MYBPC1: variants seen among roughly 807,000 people sequenced by gnomAD.
MYBPC1 encodes the protein myosin-binding protein C, slow-type.
MYBPC1 carries 52 observed loss-of-function variants against 147.1 expected under a neutral mutation model. The ratio of observed to expected loss-of-function variants is 0.35; its 90% confidence interval spans 0.28 to 0.45. The LOEUF (loss-of-function observed/expected upper bound fraction) is 0.45, where lower values mean the gene tolerates loss of function less well. Ranked by LOEUF, MYBPC1 falls within the 20% of genes least tolerant of loss-of-function variation. The pLI, the probability that MYBPC1 is intolerant of heterozygous loss-of-function variation, is 1.00. For synonymous variants in MYBPC1, 477 were observed against 475.9 expected (o/e 1.00, Z -0.03); for missense variants, 1,228 against 1,440.3 (o/e 0.85, Z 2.39).
At chr12:101,678,956 C>T (rs1011977250) in intron 28 of MYBPC1, among the ~76,000 whole-genome samples, 13 of 151,880 alleles carry the variant, frequency 8.6e-5, no homozygotes, top group Non-Finnish European at 1.8e-4. Context: ...GTCAGGAGTT[C>T]GAGACCAGCC....
At chr12:101,670,107 C>T (rs1376605781) in intron 23 of MYBPC1, among the ~76,000 whole-genome samples, 1 of 142,410 alleles carries the variant, frequency 7.0e-6, no homozygotes, top group Non-Finnish European at 1.5e-5. Context: ...ACTGTTAAAA[C>T]ATCTCTGTGT....
At chr12:101,624,202 C>A (rs2135955105) in intron 3 of MYBPC1, among the ~76,000 whole-genome samples, 1 of 151,958 alleles carries the variant, frequency 6.6e-6, no homozygotes, top group African/African-American at 2.4e-5. Flanking sequence ...CAGTAAATCA[C>A]CTCTTGGATT....
intron 24 of MYBPC1, among the ~76,000 whole-genome samples, chr12:101,670,889 T>C (rs10860766): frequency 0.27 from 40,554 of 152,138 alleles, 5,458 homozygotes; most frequent in Middle Eastern, 0.37. Context: ...AACTGAAATA[T>C]ATGAACAATA....
intron 23 of MYBPC1, chr12:101,669,955 ACTAT>A: frequency 2.9e-6 from 1 of 341,560 alleles, no homozygotes; most frequent in Non-Finnish European, 5.5e-6. Context: ...AAAAAAAGAA[ACTAT>A]GAAAAGTATG....
chr12:101,695,522 A>G, the MYBPC1 span, among the ~76,000 whole-genome samples: 77,437 of 151,774 alleles, frequency 0.51, 20,705 homozygotes, highest in Admixed American at 0.6. Context: ...GGACAAAGGG[A>G]GACTACTGTA....
At position 101,594,996 on chromosome 12, in the gene MYBPC1, G is replaced by T. The variant is rs1697477; in HGVS notation, c.-75G>T. Reference sequence around the variant, plus strand: ...GTCACACCGACCTGCACCATCTCTCGCCTGCCTGTGGGGTTTCTGTCAACT... The same window carrying T: ...GTCACACCGACCTGCACCATCTCTCTCCTGCCTGTGGGGTTTCTGTCAACT... On this transcript the variant is annotated 5_prime_UTR_variant, in exon 1 of 32. Transcript: ENST00000361466. 246,588 of 1,456,236 alleles carry T rather than the reference G, an allele frequency of 0.17. 22,723 individuals carry two copies. The highest frequency in any genetic ancestry group is 0.31 in the East Asian group (13,836 of 43,964). The allele number at this position is 1,456,236 out of a possible 1,614,324, so 90.2% of individuals were successfully genotyped here.
chr12:101,614,278 C>T (rs1213093049), intron 1 of MYBPC1, among the ~76,000 whole-genome samples: 1 of 151,924 alleles, frequency 6.6e-6, no homozygotes, highest in African/African-American at 2.4e-5. Flanking sequence ...TAAATGGCAG[C>T]ATGTATGTCT....
intron 14 of MYBPC1, among the ~76,000 whole-genome samples, chr12:101,649,040 C>T (rs1305750919): frequency 6.6e-6 from 1 of 152,148 alleles, no homozygotes; most frequent in Non-Finnish European, 1.5e-5. Flanking sequence ...GAGCAGGTGG[C>T]TCGTGTTCTT....
downstream of MYBPC1, among the ~76,000 whole-genome samples, chr12:101,689,862 A>G (rs1322745660): frequency 6.6e-6 from 1 of 152,116 alleles, no homozygotes; most frequent in Admixed American, 6.5e-5. Flanking sequence ...TCAGCTGACC[A>G]CCTGGGAGCT....
At chr12:101,629,605 C>A in intron 6 of MYBPC1, 61 bp downstream of exon 6, 1 of 1,192,260 alleles carries the variant, frequency 8.4e-7, no homozygotes, top group Non-Finnish European at 1.2e-6. Context: ...GAGCACGGTG[C>A]CTCACGCCTG....
At position 101,642,476 on chromosome 12, in the gene MYBPC1, C is replaced by G. The variant is rs747525098; in HGVS notation, c.723C>G (p.Asn241Lys). ...TGGACGTATGGGAGTTGCTGAAGAA[C>G]GCGAAACCCAGTGAGTACGAGAAGA... is the stretch of plus-strand genomic sequence containing the variant. Reference protein sequence around the residue: ...PQVDVWELLKNAKPSEYEKIA... With the variant: ...PQVDVWELLKKAKPSEYEKIA... Residue 241 changes from asparagine to lysine, a missense_variant, in exon 11 of 32, where the codon AAC (asparagine) becomes AAG (lysine). Asn to Lys is a moderately conservative substitution (Grantham distance 94). Around this residue, in one of 2 missense-constraint regions of MYBPC1, gnomAD observed 1,077 missense variants for 1,314.2 expected, o/e 0.82. Coordinates refer to ENST00000361466, the MANE Select transcript of MYBPC1 (RefSeq NM_002465.4). The G allele has an allele frequency of 1.2e-6, 2 of 1,614,078 alleles. No individual in the cohort carries two copies. The highest frequency in any genetic ancestry group is 1.7e-6 in the Non-Finnish European group (2 of 1,180,026).
chr12:101,610,550 A>C (rs919811593), intron 1 of MYBPC1, among the ~76,000 whole-genome samples: 3 of 152,206 alleles, frequency 2.0e-5, no homozygotes, highest in African/African-American at 7.2e-5. Context: ...GATGATCATA[A>C]TGATAAAAGC....
intron 3 of MYBPC1, among the ~76,000 whole-genome samples, chr12:101,618,681 C>T (rs1771988498): frequency 1.3e-5 from 2 of 152,252 alleles, no homozygotes; most frequent in African/African-American, 4.8e-5. Context: ...AAATGTCTTT[C>T]CTTAAAGTCA....
chr12:101,607,713 C>T (rs947066681), intron 1 of MYBPC1, among the ~76,000 whole-genome samples: 1 of 151,906 alleles, frequency 6.6e-6, no homozygotes, highest in South Asian at 2.1e-4. Context: ...TATAAGGGCC[C>T]ATAAGATAGT....
rs1026328258 is a variant in MYBPC1 at position 101,614,732 on chromosome 12, T to C, written c.61+201T>C. ...ATATAATCCTCTTGTGTTAATCTAA[T>C]TTGGATGGCACTTCATATATATTAG... On this transcript the variant is annotated intron_variant, in intron 2 of 31. Transcript: ENST00000361466. The C allele has an allele frequency of 4.0e-5, 25 of 621,992 alleles. 1 individual carries two copies. The highest frequency in any genetic ancestry group is 3.5e-4 in the Admixed American group (13 of 37,478). The allele number at this position is 621,992 out of a possible 1,614,324, so 38.5% of individuals were successfully genotyped here. A position where few individuals can be genotyped will look rare whatever the true frequency, so the allele number is the denominator to read the frequency against.
chr12:101,651,869 G>A lies in MYBPC1; in HGVS notation c.1526+476G>A, dbSNP rs781059251. 4.6e-5 allele frequency among the ~76,000 whole-genome samples: 7 copies of A among 152,154 alleles called. No individual in the cohort carries two copies. The East Asian group carries it at 9.6e-4, about 21-fold the overall frequency. Reference sequence around the variant, plus strand: ...GGATGGCTTGAACCCAGTAGGGGGAGGTTGAAGTGAGCTGAGATCACACCA... The same window carrying A: ...GGATGGCTTGAACCCAGTAGGGGGAAGTTGAAGTGAGCTGAGATCACACCA... On this transcript the variant is annotated intron_variant, in intron 16 of 31. Transcript: ENST00000361466.
At chr12:101,690,069 G>C (rs1308638629), downstream of MYBPC1, among the ~76,000 whole-genome samples, 6 of 152,168 alleles carry the variant, frequency 3.9e-5, no homozygotes, top group Admixed American at 2.6e-4. Context: ...CAGCTACTCG[G>C]GAGGCTGAGG....
chr12:101,608,400 A>G (rs1432366803), intron 1 of MYBPC1, among the ~76,000 whole-genome samples: 1 of 152,234 alleles, frequency 6.6e-6, no homozygotes, highest in African/African-American at 2.4e-5. Context: ...TGTTTTCTAA[A>G]AAAGATATTG....
At chr12:101,637,514 A>G (rs1164932496) in intron 10 of MYBPC1, among the ~76,000 whole-genome samples, 2 of 152,136 alleles carry the variant, frequency 1.3e-5, no homozygotes, top group Admixed American at 6.5e-5. Flanking sequence ...ATAGTGCAGA[A>G]GCAACAAAAA....
Sources: allele counts gnomAD v4.1 joint callset (sites outside exome capture counted in the v4.1 genomes callset), GRCh38; gene constraint gnomAD v4.1.1; regional missense constraint gnomAD v4.1.1; transcripts MANE v1.5; gene names NCBI Gene and HGNC (gene_info 2026-07-23, HGNC 2026-07-21).